The following ANKRD6 variants were observed in gnomAD, a reference collection of about 807,000 sequenced individuals.
ANKRD6 encodes ankyrin repeat domain-containing protein 6.
In ANKRD6, 56 loss-of-function variants were observed where a neutral mutation model predicts 82.3. That is an observed-to-expected ratio of 0.68 (90% CI 0.55 to 0.85). The LOEUF (loss-of-function observed/expected upper bound fraction) is 0.85, where lower values mean the gene tolerates loss of function less well. ANKRD6 is among the 40% of genes least tolerant of loss of function. ANKRD6 has a pLI of 0.00. For missense variants in ANKRD6, 852 were observed against 907.6 expected (o/e 0.94, Z 0.79); for synonymous variants, 347 against 352.1 (o/e 0.99, Z 0.16).
At chr6:89,449,384 TGC>T (rs1772524761) in intron 1 of ANKRD6, among the ~76,000 whole-genome samples, 1 of 152,174 alleles carries the variant, frequency 6.6e-6, no homozygotes, top group Non-Finnish European at 1.5e-5. Context: ...GCTGAGGAGT[TGC>T]TTTTTATGGA....
intron 1 of ANKRD6, among the ~76,000 whole-genome samples, chr6:89,539,626 A>AG (rs1262880670): frequency 6.6e-6 from 1 of 152,170 alleles, no homozygotes; most frequent in Admixed American, 6.5e-5. Context: ...CACATCATGA[A>AG]GAATGAGGTG....
intron 1 of ANKRD6, among the ~76,000 whole-genome samples, chr6:89,482,772 C>T (rs151073478): frequency 6.6e-6 from 1 of 152,200 alleles, no homozygotes; most frequent in East Asian, 1.9e-4. Context: ...ATGGTCATAC[C>T]CCTACTCCCA....
At chr6:89,589,099 T>A (rs1057487449) in intron 2 of ANKRD6, among the ~76,000 whole-genome samples, 1 of 151,324 alleles carries the variant, frequency 6.6e-6, no homozygotes, top group Non-Finnish European at 1.5e-5. Flanking sequence ...CTTGTCCAGG[T>A]CTGCTCTGTT....
At chr6:89,457,009 T>C (rs1773582428) in intron 1 of ANKRD6, among the ~76,000 whole-genome samples, 2 of 152,206 alleles carry the variant, frequency 1.3e-5, no homozygotes, top group African/African-American at 4.8e-5. Flanking sequence ...CAGGTGGGGC[T>C]GCAGTCATCT....
intron 1 of ANKRD6, among the ~76,000 whole-genome samples, chr6:89,492,351 C>G (rs1167227473): frequency 6.6e-6 from 1 of 152,184 alleles, no homozygotes; most frequent in Non-Finnish European, 1.5e-5. Flanking sequence ...TGTAGAGGAT[C>G]ATTTGGTAGT....
At chr6:89,578,382 A>G (rs951252397) in intron 2 of ANKRD6, among the ~76,000 whole-genome samples, 2 of 124,608 alleles carry the variant, frequency 1.6e-5, no homozygotes, top group Admixed American at 2.1e-4. Flanking sequence ...TGTAACCTCC[A>G]CCTCCCGGGT....
intron 2 of ANKRD6, among the ~76,000 whole-genome samples, chr6:89,594,124 G>A (rs923356279): frequency 1.3e-5 from 2 of 152,126 alleles, no homozygotes; most frequent in Non-Finnish European, 2.9e-5. Flanking sequence ...AAAAATACAA[G>A]GTTAGACAAA....
chr6:89,607,169 C>CAA lies in ANKRD6; in HGVS notation c.417+1077_417+1078dup, dbSNP rs68129491. Among the ~76,000 whole-genome samples, 190 of 135,762 alleles carry CAA rather than the reference C, an allele frequency of 1.4e-3. 2 individuals carry two copies. The highest frequency in any genetic ancestry group is 0.01 in the Middle Eastern group (3 of 286). The allele number at this position is 135,762 out of a possible 152,430, so 89.1% of individuals were successfully genotyped here. A position where few individuals can be genotyped will look rare whatever the true frequency, so the allele number is the denominator to read the frequency against. On this transcript the variant is annotated intron_variant, in intron 5 of 15. Transcript: ENST00000339746. ...TGGGTGACAGAGTGAGACCCGGTCT[C>CAA]AAAAAAAAAAAAAAGGTCCTTTTTA...
chr6:89,459,714 G>A (rs1773900882), intron 1 of ANKRD6, among the ~76,000 whole-genome samples: 1 of 152,058 alleles, frequency 6.6e-6, no homozygotes, highest in African/African-American at 2.4e-5. Context: ...TGTTGCACAA[G>A]TTGGTCTTGG....
chr6:89,616,599 A>C lies in ANKRD6; in HGVS notation c.656A>C (p.His219Pro). ...TALHVAAALN[H>P]KKVAKILLEA... ...CTTCACGTTGCTGCTGCCCTAAATCACAAGAAGGTGGCCAAAATCTTACTG... is the reference window on the plus strand; with the variant it reads ...CTTCACGTTGCTGCTGCCCTAAATCCCAAGAAGGTGGCCAAAATCTTACTG... Residue 219 changes from histidine (H) to proline (P), a missense_variant, in exon 8 of 16, where the codon CAC becomes CCC. By Grantham distance (77) the His-to-Pro change is moderately conservative. Coordinates refer to ENST00000339746, the MANE Select transcript of ANKRD6 (RefSeq NM_001242809.2). 1 of 1,614,052 alleles carries C rather than the reference A, an allele frequency of 6.2e-7. No individual in the cohort carries two copies. Among genetic ancestry groups the C allele is most frequent in the Non-Finnish European group, 8.5e-7 (1 of 1,179,904 alleles).
chr6:89,580,843 A>G (rs1380625005), intron 2 of ANKRD6, among the ~76,000 whole-genome samples: 1 of 151,856 alleles, frequency 6.6e-6, no homozygotes, highest in African/African-American at 2.4e-5. Context: ...TTAAGCTGTC[A>G]CTCCCCAGGA....
chr6:89,527,023 C>T (rs879926152), intron 1 of ANKRD6, among the ~76,000 whole-genome samples: 10 of 152,206 alleles, frequency 6.6e-5, no homozygotes, highest in African/African-American at 2.4e-4. Context: ...CAGAAACATC[C>T]TTGCACACAT....
intron 1 of ANKRD6, among the ~76,000 whole-genome samples, chr6:89,465,528 G>A (rs1375266790): frequency 6.6e-6 from 1 of 152,062 alleles, no homozygotes; most frequent in African/African-American, 2.4e-5. Flanking sequence ...ATGACCTTGG[G>A]CAAGCTACTT....
At chr6:89,521,485 A>G (rs751982481) in intron 1 of ANKRD6, among the ~76,000 whole-genome samples, 1 of 152,184 alleles carries the variant, frequency 6.6e-6, no homozygotes, top group Non-Finnish European at 1.5e-5. Context: ...AAGAATTGTG[A>G]ATTTTATCCT....
At chr6:89,462,269 T>A (rs185326527) in intron 1 of ANKRD6, among the ~76,000 whole-genome samples, 22 of 147,928 alleles carry the variant, frequency 1.5e-4, no homozygotes, top group Admixed American at 6.1e-4. Flanking sequence ...ATAATAATAA[T>A]AAATACATAA....
chr6:89,523,642 A>G lies in ANKRD6; in HGVS notation c.-143-43192A>G, dbSNP rs141280739. 1.4e-4 allele frequency among the ~76,000 whole-genome samples: 21 copies of G among 152,258 alleles called. No individual in the cohort carries two copies. In the East Asian group the frequency reaches 3.9e-3, roughly 28 times the overall value. On this transcript the variant is annotated intron_variant, in intron 1 of 15. Coordinates refer to ENST00000339746, the MANE Select transcript of ANKRD6 (RefSeq NM_001242809.2). ...CCTTGGTTCTATGCCCCAAGTACCC[A>G]TAGTGATGCTGAGAAACGTTTGCTA...
At chr6:89,465,181 G>A (rs564369829) in intron 1 of ANKRD6, among the ~76,000 whole-genome samples, 4 of 150,774 alleles carry the variant, frequency 2.7e-5, no homozygotes, top group African/African-American at 9.8e-5. Flanking sequence ...GTGCAGTGGA[G>A]CAATCTCGGC....
At chr6:89,510,999 T>A (rs1455488377) in intron 1 of ANKRD6, among the ~76,000 whole-genome samples, 1 of 152,090 alleles carries the variant, frequency 6.6e-6, no homozygotes, top group South Asian at 2.1e-4. Context: ...GCTGACAACA[T>A]CTCCTCTTCA....
At position 89,628,789 on chromosome 6, in the gene ANKRD6, CA is replaced by C. The variant is rs1156883089; in HGVS notation, c.1486-312del. On this transcript the variant is annotated intron_variant, in intron 14 of 15. Coordinates refer to ENST00000339746, the MANE Select transcript of ANKRD6 (RefSeq NM_001242809.2). ...CCATCTCAAAAAACAAACAAACAAA[CA>C]AAAAAAAAAACTAATAGAGCAAGAA... is the stretch of plus-strand genomic sequence containing the variant. The C allele has an allele frequency of 8.0e-3, 1,848 of 230,164 alleles. 2 individuals are homozygous for C. The highest frequency in any genetic ancestry group is 0.015 in the South Asian group (274 of 17,800). 14.3% of individuals were successfully genotyped at this position (230,164 alleles called of 1,614,324 possible). A position where few individuals can be genotyped will look rare whatever the true frequency, so the allele number is the denominator to read the frequency against.
Sources: gnomAD v4.1 joint callset for allele counts (sites outside exome capture counted in the v4.1 genomes callset) on GRCh38, gnomAD v4.1.1 for gene constraint, MANE v1.5 for transcripts, NCBI Gene and HGNC (gene_info 2026-07-23, HGNC 2026-07-21) for gene names.